ARMCX4: variants seen among roughly 807,000 people sequenced by gnomAD.
ARMCX4 encodes the protein armadillo repeat-containing X-linked protein 4.
A neutral mutation model predicts 34.7 loss-of-function variants in ARMCX4; 3 were observed. The ratio of observed to expected loss-of-function variants is 0.09; its 90% CI spans 0.04 to 0.22. The LOEUF (loss-of-function observed/expected upper bound fraction) is 0.22, where lower values mean the gene tolerates loss of function less well. ARMCX4 is among the 10% of genes least tolerant of loss of function. The pLI, the probability that ARMCX4 is intolerant of heterozygous loss-of-function variation, is 1.00. For synonymous variants in ARMCX4, 513 were observed against 632.8 expected, an observed-to-expected ratio of 0.81 and a Z score of 2.84; for missense variants, 1,448 against 1,720.8, an observed-to-expected ratio of 0.84 and a Z score of 2.81.
At chrX:101,423,054 C>T (rs1929372769) in intron 2 of ARMCX4, among the ~76,000 whole-genome samples, 1 of 109,177 alleles carries the variant, frequency 9.2e-6, no homozygotes, top group Admixed American at 9.8e-5. Context: ...GGATTACAGG[C>T]GCCCACCACC....
In ARMCX4 at chrX:101,433,182, ACG is replaced by A. The variant is rs1407137991; in HGVS notation, n.165-10868_165-10867del. Among the ~76,000 whole-genome samples the A allele has an allele frequency of 3.2e-4, 24 of 75,085 alleles. 1 individual carries two copies. Among genetic ancestry groups the A allele is most frequent in the African/African-American group, 8.8e-4 (22 of 24,874 alleles). 65.2% of individuals were successfully genotyped at this position (75,085 alleles called of 115,157 possible). ...TATGTATACATACATGTGTATATAC[ACG>A]CACACATACACATATATGTGCATAT... is the stretch of plus-strand genomic sequence containing the variant. On this transcript the variant is annotated intron_variant and non_coding_transcript_variant, in intron 2 of 3. Transcript: ENST00000430461.
rs1049649475 is a variant in ARMCX4 at position 101,493,272 on chromosome X, G to A, written c.4683G>A (p.Gly1561=). 1 of 1,156,188 alleles carries A rather than the reference G, an allele frequency of 8.6e-7. No individual in the cohort carries two copies. The highest frequency in any genetic ancestry group is 2.3e-4 in the Middle Eastern group (1 of 4,308). ...GSQVSGSCWT[G]AGAVDQAGGC... is the part of the protein sequence containing the mutation. ...AGGTCAGTGGAAGCTGCTGGACTGGGGCTGGGGCTGTGGATCAGGCTGGTG... is the reference window on the plus strand; with the variant it reads ...AGGTCAGTGGAAGCTGCTGGACTGGAGCTGGGGCTGTGGATCAGGCTGGTG... The change falls in exon 6 of 6, where the codon GGG becomes GGA. Residue 1561 remains glycine, a synonymous_variant. Coordinates refer to ENST00000423738, the MANE Select transcript of ARMCX4 (RefSeq NM_001256155.3).
chrX:101,496,139 C>CGAGA (rs1265130542), downstream of ARMCX4, among the ~76,000 whole-genome samples: 1 of 108,459 alleles, frequency 9.2e-6, no homozygotes, highest in Non-Finnish European at 1.9e-5. Flanking sequence ...AGGGTAGTGA[C>CGAGA]GAGAGAGAGA....
intron 2 of ARMCX4, among the ~76,000 whole-genome samples, chrX:101,423,319 G>C (rs1929393229): frequency 9.1e-6 from 1 of 109,781 alleles, no homozygotes; most frequent in Admixed American, 9.8e-5. Flanking sequence ...AATCTCTGAG[G>C]TGATGAGAGT....
At chrX:101,471,556 T>C (rs1932904318) in intron 4 of ARMCX4, among the ~76,000 whole-genome samples, 1 of 112,129 alleles carries the variant, frequency 8.9e-6, no homozygotes, top group African/African-American at 3.2e-5. Flanking sequence ...TAAATGTCCA[T>C]GTCTGATAGC....
chrX:101,520,823 A>G (rs781863610), intron 11 of ARMCX4, among the ~76,000 whole-genome samples: 1 of 110,920 alleles, frequency 9.0e-6, no homozygotes, highest in South Asian at 3.8e-4. Flanking sequence ...AAATATTCAT[A>G]TTAATTTTTC....
At chrX:101,513,665 G>A (rs1287974455) in intron 11 of ARMCX4, among the ~76,000 whole-genome samples, 1 of 111,527 alleles carries the variant, frequency 9.0e-6, no homozygotes, top group African/African-American at 3.3e-5. Context: ...TGTGGTCATA[G>A]CTGGTTTTTA....
intron 4 of ARMCX4, among the ~76,000 whole-genome samples, chrX:101,469,323 C>T (rs1392146752): frequency 1.8e-5 from 2 of 111,772 alleles, no homozygotes; most frequent in African/African-American, 6.5e-5. Context: ...CTAAATAAAC[C>T]ATACTATAGC....
intron 11 of ARMCX4, among the ~76,000 whole-genome samples, chrX:101,515,414 T>TTCCTTC (rs1934707821): frequency 6.5e-4 from 8 of 12,328 alleles, no homozygotes; most frequent in African/African-American, 2.6e-3. Context: ...TCCCTCCCTC[T>TTCCTTC]CTTCCTTCCT....
In ARMCX4 at chrX:101,457,121, T is replaced by A. The variant is rs782740652; in HGVS notation, c.-473+11077T>A. On this transcript the variant is annotated intron_variant and NMD_transcript_variant, in intron 4 of 15. Coordinates refer to the ARMCX4 transcript ENST00000433011. ...TCTTTGTTGAAGAAAACAGGTTAATTTAGCCTGTAAAATTTTCCACATTCT... is the reference window on the plus strand; with the variant it reads ...TCTTTGTTGAAGAAAACAGGTTAATATAGCCTGTAAAATTTTCCACATTCT... 1.6e-3 allele frequency among the ~76,000 whole-genome samples: 182 copies of A among 111,457 alleles called. 1 individual carries two copies. The highest frequency in any genetic ancestry group is 3.8e-4 in the Non-Finnish European group (20 of 53,111).
At chrX:101,505,478 G>A (rs1934427930) in intron 8 of ARMCX4, 1 of 111,531 alleles carries the variant, frequency 9.0e-6, no homozygotes, top group Non-Finnish European at 1.9e-5. Flanking sequence ...GATTTGAGAG[G>A]TATGGGTCTA....
chrX:101,511,847 T>G (rs1421862543), intron 11 of ARMCX4, among the ~76,000 whole-genome samples: 1 of 111,492 alleles, frequency 9.0e-6, no homozygotes, highest in African/African-American at 3.3e-5. Context: ...CTCAGGAGGC[T>G]GAGCGAGGGA....
At chrX:101,482,679 C>T (rs991415180), upstream of ARMCX4, among the ~76,000 whole-genome samples, 9 of 110,575 alleles carry the variant, frequency 8.1e-5, no homozygotes, top group Admixed American at 8.7e-4. Context: ...GGATTATAGG[C>T]GTGAGCCATC....
intron 4 of ARMCX4, among the ~76,000 whole-genome samples, chrX:101,473,722 G>A (rs1603190141): frequency 1.0e-5 from 1 of 99,643 alleles, no homozygotes; most frequent in Admixed American, 1.1e-4. Flanking sequence ...GATACATAAC[G>A]AAATGAAGGC....
intron 11 of ARMCX4, among the ~76,000 whole-genome samples, chrX:101,519,535 A>G (rs1934807635): frequency 9.0e-6 from 1 of 111,583 alleles, no homozygotes; most frequent in Non-Finnish European, 1.9e-5. Flanking sequence ...ACACTCCATT[A>G]TATGTATATT....
chrX:101,500,130 C>A (rs966505471), downstream of ARMCX4, among the ~76,000 whole-genome samples: 1 of 111,446 alleles, frequency 9.0e-6, no homozygotes. Flanking sequence ...ACCCAGAGAC[C>A]TAAAGTGTCT....
At chrX:101,523,469 G>C (rs915998005) in intron 11 of ARMCX4, among the ~76,000 whole-genome samples, 5 of 112,370 alleles carry the variant, frequency 4.4e-5, no homozygotes, top group Admixed American at 9.5e-5. Flanking sequence ...GGATGCTTAA[G>C]CACAACCTTT....
chrX:101,502,400 C>T (rs1487566371), intron 7 of ARMCX4, among the ~76,000 whole-genome samples: 3 of 111,997 alleles, frequency 2.7e-5, no homozygotes, highest in Non-Finnish European at 5.6e-5. Flanking sequence ...CATCATACCT[C>T]GCTAATCTTT....
intron 4 of ARMCX4, among the ~76,000 whole-genome samples, chrX:101,470,563 C>T (rs1485712757): frequency 9.0e-6 from 1 of 111,682 alleles, no homozygotes; most frequent in East Asian, 2.8e-4. Context: ...AAGCAATCTA[C>T]CTGCCTCAGC....
Sources: allele counts gnomAD v4.1 joint callset (sites outside exome capture counted in the v4.1 genomes callset), GRCh38; gene constraint gnomAD v4.1.1; transcripts MANE v1.5; gene names NCBI Gene and HGNC (gene_info 2026-07-23, HGNC 2026-07-21).